Variants in EMX1 observed in about 807,000 individuals in gnomAD.
EMX1 encodes the protein empty spiracles homeobox 1, also known as homeobox protein EMX1.
EMX1 carries 10 observed loss-of-function variants against 20.1 expected under a neutral mutation model. The observed-to-expected ratio is 0.50, with a 90% CI of 0.31 to 0.84. The LOEUF (loss-of-function observed/expected upper bound fraction) is 0.84. Among genes scored for constraint, EMX1 ranks in the 40% least tolerant of loss-of-function variants. The probability of loss-of-function intolerance (pLI) is 0.05; values close to 1 mark genes in which losing one functional copy is unlikely to be tolerated. For synonymous variants in EMX1, 250 were observed against 200.4 expected, an observed-to-expected ratio of 1.25 and a Z score of -2.09; for missense variants, 424 against 431.9, an observed-to-expected ratio of 0.98 and a Z score of 0.16.
intron 2 of EMX1, chr2:72,926,479 T>C: frequency 3.7e-6 from 1 of 266,710 alleles, no homozygotes; most frequent in Non-Finnish European, 5.8e-6. Flanking sequence ...GAGGGGAGGT[T>C]TGAGCCTGGG....
chr2:72,933,519 G>A, intron 2 of EMX1: 2 of 479,046 alleles, frequency 4.2e-6, no homozygotes, highest in Non-Finnish European at 7.5e-6. Context: ...AGGATGCACA[G>A]CAGCTCTGTG....
chr2:72,917,825 GGGA>G lies in EMX1; in HGVS notation c.-25_-23del. On this transcript the variant is annotated 5_prime_UTR_variant, in exon 1 of 3. Transcript: ENST00000258106. ...GGGCCGAGCGCGAGCGGGCGGGCGG[GGGA>G]GGTGAGGGGTGCGGGCGGGTGTGCA... 6.1e-6 allele frequency: 8 copies of G among 1,302,508 alleles called. No homozygotes were observed. Among genetic ancestry groups the G allele is most frequent in the Non-Finnish European group, 7.8e-6 (8 of 1,029,964 alleles). 80.7% of individuals were successfully genotyped at this position (1,302,508 alleles called of 1,614,324 possible).
At chr2:72,923,153 T>C (rs887783739) in intron 1 of EMX1, among the ~76,000 whole-genome samples, 2 of 152,022 alleles carry the variant, frequency 1.3e-5, no homozygotes, top group African/African-American at 2.4e-5. Context: ...TCTGACCCCA[T>C]CTCCCCTACC....
chr2:72,925,060 G>GC (rs1172955046), intron 2 of EMX1, among the ~76,000 whole-genome samples: 1 of 152,226 alleles, frequency 6.6e-6, no homozygotes, highest in Non-Finnish European at 1.5e-5. Flanking sequence ...GGAGGGGCCA[G>GC]CCCCTGCTTG....
chr2:72,926,290 A>G (rs557080899), intron 2 of EMX1: 1 of 985,324 alleles, frequency 1.0e-6, no homozygotes, highest in East Asian at 1.1e-4. Flanking sequence ...AATGCCAGTT[A>G]GTAAACGGAC....
intron 1 of EMX1, chr2:72,923,784 C>CCTA (rs1307659386): frequency 9.8e-6 from 2 of 204,474 alleles, no homozygotes; most frequent in Non-Finnish European, 2.0e-5. Context: ...CAAAGGTGTG[C>CCTA]CTAGCACCCC....
chr2:72,929,513 T>TG (rs1173652615), intron 2 of EMX1, among the ~76,000 whole-genome samples: 1 of 152,076 alleles, frequency 6.6e-6, no homozygotes, highest in Non-Finnish European at 1.5e-5. Context: ...TGATAGGAAA[T>TG]GGGTCCCCAG....
intron 1 of EMX1, among the ~76,000 whole-genome samples, chr2:72,918,867 G>C (rs1366457055): frequency 6.6e-6 from 1 of 152,260 alleles, no homozygotes; most frequent in Non-Finnish European, 1.5e-5. Flanking sequence ...AGGGCAGCAG[G>C]GAGGGCGAAT....
At chr2:72,924,720 C>T (rs1182832353) in intron 2 of EMX1, among the ~76,000 whole-genome samples, 4 of 152,246 alleles carry the variant, frequency 2.6e-5, no homozygotes, top group African/African-American at 9.6e-5. Context: ...AAAGACCTAG[C>T]AGGAGGCAGA....
intron 2 of EMX1, among the ~76,000 whole-genome samples, chr2:72,924,919 G>C (rs981117118): frequency 1.3e-5 from 2 of 152,250 alleles, no homozygotes; most frequent in African/African-American, 4.8e-5. Context: ...TAGTCCTGCG[G>C]GGAGCCGGTC....
chr2:72,917,132 C>T (rs930646121), upstream of EMX1: 85 of 613,298 alleles, frequency 1.4e-4, 1 homozygote, highest in Middle Eastern at 1.4e-3. Context: ...ATGTGTTGGA[C>T]CCCAAACATC....
intron 2 of EMX1, among the ~76,000 whole-genome samples, chr2:72,928,934 T>C (rs539968039): frequency 2.0e-5 from 3 of 152,076 alleles, no homozygotes; most frequent in East Asian, 1.9e-4. Context: ...CAGATGAAGA[T>C]AGAGCCACCA....
upstream of EMX1, chr2:72,917,347 A>G: frequency 2.7e-6 from 1 of 374,116 alleles, no homozygotes; most frequent in Non-Finnish European, 4.8e-6. Context: ...AGGAGAAGCC[A>G]GTGGCGAGGG....
At chr2:72,917,342 A>G (rs967604837), upstream of EMX1, 4 of 381,816 alleles carry the variant, frequency 1.0e-5, no homozygotes, top group South Asian at 5.8e-5. Flanking sequence ...TCGCGAGGAG[A>G]AGCCAGTGGC....
intron 2 of EMX1, among the ~76,000 whole-genome samples, chr2:72,932,573 C>T (rs1345905489): frequency 6.6e-6 from 1 of 152,168 alleles, no homozygotes; most frequent in African/African-American, 2.4e-5. Flanking sequence ...AAGTCCAGTC[C>T]AGGAGCCAGG....
intron 2 of EMX1, among the ~76,000 whole-genome samples, chr2:72,929,178 T>A: frequency 6.6e-6 from 1 of 152,154 alleles, no homozygotes; most frequent in East Asian, 1.9e-4. Context: ...CTTCTCTAAG[T>A]CTTGGCTTTT....
chr2:72,921,999 C>T (rs776396022), intron 1 of EMX1, among the ~76,000 whole-genome samples: 3 of 152,246 alleles, frequency 2.0e-5, no homozygotes, highest in Non-Finnish European at 2.9e-5. Context: ...CTGGGGCAGA[C>T]TGCAGACCTG....
At position 72,933,987 on chromosome 2, in the gene EMX1, G is replaced by A; in HGVS notation, c.*33G>A. ...AACCACAAACCCACGAGGGCAGAGT[G>A]CTGCTTGCTGCTGGCCAGGCCCCTG... On this transcript the variant is annotated 3_prime_UTR_variant, in exon 3 of 3. Transcript: ENST00000258106. The A allele has an allele frequency of 6.2e-7, 1 of 1,612,768 alleles. No individual in the cohort carries two copies. Among genetic ancestry groups the A allele is most frequent in the Non-Finnish European group, 8.5e-7 (1 of 1,179,256 alleles).
rs770192184 is a variant in EMX1 at position 72,933,936 on chromosome 2, T to C, written c.855T>C (p.Asp285=). The change falls in exon 3 of 3, where the codon GAT becomes GAC. Residue 285 remains aspartate, a synonymous_variant. Coordinates refer to ENST00000258106, the MANE Select transcript of EMX1 (RefSeq NM_004097.3). ...ATKQANGEDI[D]VTSND is the part of the protein sequence containing the mutation. ...AGCAGGCCAATGGGGAGGACATCGA[T>C]GTCACCTCCAATGACTAGGGTGGGC... 2 of 1,614,274 alleles carry C rather than the reference T, an allele frequency of 1.2e-6. No homozygotes were observed. Among genetic ancestry groups the C allele is most frequent in the South Asian group, 1.1e-5 (1 of 91,090 alleles).
Sources: gnomAD v4.1 joint callset for allele counts (sites outside exome capture counted in the v4.1 genomes callset) on GRCh38, gnomAD v4.1.1 for gene constraint, MANE v1.5 for transcripts, NCBI Gene and HGNC (gene_info 2026-07-23, HGNC 2026-07-21) for gene names.